CNTN5: variants seen among roughly 807,000 people sequenced by gnomAD.
CNTN5 encodes the protein contactin 5.
In CNTN5, 77 loss-of-function variants were observed where a neutral mutation model predicts 129.1. That is an observed-to-expected ratio of 0.60 (90% CI 0.50 to 0.72). The LOEUF (loss-of-function observed/expected upper bound fraction) is 0.72. Ranked by LOEUF, CNTN5 falls within the 30% of genes least tolerant of loss-of-function variation. The pLI is 0.00. For synonymous variants in CNTN5, 509 were observed against 465.6 expected (o/e 1.09, Z -1.20); for missense variants, 1,478 against 1,328.8 (o/e 1.11, Z -1.75).
intron 1 of CNTN5, among the ~76,000 whole-genome samples, chr11:99,197,802 T>C (rs1011497092): frequency 2.6e-5 from 4 of 152,132 alleles, no homozygotes; most frequent in Admixed American, 2.0e-4. Flanking sequence ...TAATATTAGG[T>C]ACAAGGATTA....
intron 16 of CNTN5, 63 bp from the exon 17 acceptor site, chr11:100,255,697 T>C (rs1950050904): frequency 2.1e-6 from 3 of 1,430,640 alleles, no homozygotes; most frequent in Non-Finnish European, 2.9e-6. Context: ...ATTGGAAATA[T>C]AATTTCTCAT....
intron 3 of CNTN5, among the ~76,000 whole-genome samples, chr11:99,623,619 G>C (rs1224339450): frequency 1.3e-5 from 2 of 151,816 alleles, no homozygotes; most frequent in Non-Finnish European, 2.9e-5. Flanking sequence ...CCAGGGTCTC[G>C]GGTCTAATCC....
chr11:99,137,946 T>C (rs4753944), intron 1 of CNTN5, among the ~76,000 whole-genome samples: 138,202 of 152,178 alleles, frequency 0.91, 63,007 homozygotes, highest in East Asian at 0.99. Context: ...TAACATTATC[T>C]TTGTTCTGTA....
At chr11:99,518,445 G>A (rs952181470) in intron 2 of CNTN5, among the ~76,000 whole-genome samples, 5 of 152,050 alleles carry the variant, frequency 3.3e-5, no homozygotes, top group Admixed American at 1.3e-4. Context: ...AACCTCTAGC[G>A]ACAAATCATG....
intron 3 of CNTN5, among the ~76,000 whole-genome samples, chr11:99,699,849 A>G (rs1954441474): frequency 6.6e-6 from 1 of 151,356 alleles, no homozygotes; most frequent in Non-Finnish European, 1.5e-5. Flanking sequence ...AACTTTACAT[A>G]ATAGGTCCCT....
At chr11:99,795,892 C>T (rs1945918409) in intron 3 of CNTN5, among the ~76,000 whole-genome samples, 1 of 152,182 alleles carries the variant, frequency 6.6e-6, no homozygotes, top group Non-Finnish European at 1.5e-5. Context: ...GATCACAACA[C>T]TCTGTTGAAT....
At chr11:99,483,912 T>G (rs1945704546) in intron 2 of CNTN5, among the ~76,000 whole-genome samples, 1 of 151,714 alleles carries the variant, frequency 6.6e-6, no homozygotes, top group Non-Finnish European at 1.5e-5. Flanking sequence ...TAACTCAAAA[T>G]AAATAAAAGG....
chr11:99,301,940 G>C (rs1864660328), intron 1 of CNTN5, among the ~76,000 whole-genome samples: 1 of 151,386 alleles, frequency 6.6e-6, no homozygotes, highest in African/African-American at 2.4e-5. Flanking sequence ...TTTAAAAATT[G>C]AATATTTGAA....
intron 3 of CNTN5, among the ~76,000 whole-genome samples, chr11:99,658,816 A>G (rs1283081651): frequency 7.0e-6 from 1 of 142,182 alleles, no homozygotes; most frequent in African/African-American, 2.6e-5. Context: ...TGAACCCAGG[A>G]GGTGGAGGAT....
rs1944894355 is a variant in CNTN5, at chr11:100,093,993, A to G, written c.1580+19699A>G. On this transcript the variant is annotated intron_variant, in intron 13 of 24. Coordinates refer to ENST00000524871, the MANE Select transcript of CNTN5 (RefSeq NM_014361.4). ...AACTCAAATTATGCAGGTTATTCAT[A>G]ACTGTGTCGGATCCTTTTGTTTACC... is the stretch of plus-strand genomic sequence containing the variant. Among the ~76,000 whole-genome samples, 4 of 152,248 alleles carry G rather than the reference A, an allele frequency of 2.6e-5. No individual in the cohort carries two copies. The South Asian group carries it at 6.2e-4, about 24-fold the overall frequency.
intron 1 of CNTN5, among the ~76,000 whole-genome samples, chr11:99,266,147 A>G (rs1862873071): frequency 6.6e-6 from 1 of 152,120 alleles, no homozygotes. Flanking sequence ...CACTGTATTC[A>G]TGAATTCAAT....
chr11:100,261,985 AG>A (rs762103537), intron 17 of CNTN5, among the ~76,000 whole-genome samples: 5 of 152,250 alleles, frequency 3.3e-5, no homozygotes, highest in African/African-American at 7.2e-5. Context: ...GCACAGTGAA[AG>A]AAACTATCAT....
intron 13 of CNTN5, among the ~76,000 whole-genome samples, chr11:100,146,876 A>G (rs1050183634): frequency 6.6e-6 from 1 of 152,156 alleles, no homozygotes; most frequent in Non-Finnish European, 1.5e-5. Context: ...GCTCTTTGTA[A>G]TATATTTCAC....
intron 17 of CNTN5, among the ~76,000 whole-genome samples, chr11:100,258,867 C>T (rs111272863): frequency 0.024 from 3,646 of 152,274 alleles, 139 homozygotes; most frequent in African/African-American, 0.082. Flanking sequence ...ACCATCAACA[C>T]TATGAAGAAG....
At chr11:99,148,684 G>A (rs1325355198) in intron 1 of CNTN5, among the ~76,000 whole-genome samples, 2 of 152,102 alleles carry the variant, frequency 1.3e-5, no homozygotes, top group Admixed American at 6.6e-5. Context: ...TAATTATGTT[G>A]TGGGTTGCTA....
At chr11:99,771,591 A>C (rs537541043) in intron 3 of CNTN5, among the ~76,000 whole-genome samples, 1 of 152,120 alleles carries the variant, frequency 6.6e-6, no homozygotes, top group Admixed American at 6.6e-5. Context: ...GTAGAATCTA[A>C]AAAAGTGAAC....
chr11:99,543,065 A>G (rs1453913574), intron 2 of CNTN5, among the ~76,000 whole-genome samples: 1 of 152,148 alleles, frequency 6.6e-6, no homozygotes, highest in African/African-American at 2.4e-5. Context: ...TTGATATATA[A>G]TCTGTGCTCT....
intron 1 of CNTN5, among the ~76,000 whole-genome samples, chr11:99,114,731 C>T (rs1280710911): frequency 6.6e-6 from 1 of 152,094 alleles, no homozygotes; most frequent in Admixed American, 6.6e-5. Context: ...GTTTGTTCCT[C>T]GTAAACATTC....
chr11:99,151,193 C>CT (rs1860034260), intron 1 of CNTN5, among the ~76,000 whole-genome samples: 1 of 151,876 alleles, frequency 6.6e-6, no homozygotes, highest in Non-Finnish European at 1.5e-5. Context: ...AAAGCGCCTG[C>CT]TTTGTCAACT....
Sources: allele counts gnomAD v4.1 joint callset (sites outside exome capture counted in the v4.1 genomes callset), GRCh38; gene constraint gnomAD v4.1.1; transcripts MANE v1.5; gene names NCBI Gene and HGNC (gene_info 2026-07-23, HGNC 2026-07-21).